PBRM1: variants seen among roughly 807,000 people sequenced by gnomAD.
PBRM1 encodes protein polybromo-1.
A neutral mutation model predicts 194.5 loss-of-function variants in PBRM1; 27 were observed. The ratio of observed to expected loss-of-function variants is 0.14; its 90% CI spans 0.10 to 0.19. The LOEUF is 0.19. Ranked by LOEUF, PBRM1 falls within the 10% of genes least tolerant of loss-of-function variation. PBRM1 has a pLI of 1.00. For missense variants in PBRM1, 1,466 were observed against 2,077.2 expected (o/e 0.71, Z 5.72); for synonymous variants, 655 against 693.2 (o/e 0.94, Z 0.87).
chr3:52,622,692 G>C (rs1356815493), intron 13 of PBRM1, among the ~76,000 whole-genome samples: 1 of 152,068 alleles, frequency 6.6e-6, no homozygotes, highest in African/African-American at 2.4e-5. Context: ...TCTCCCCCTG[G>C]CTGATCAGCA....
chr3:52,676,730 G>A (rs2097113366), intron 2 of PBRM1, among the ~76,000 whole-genome samples: 1 of 152,164 alleles, frequency 6.6e-6, no homozygotes, highest in Non-Finnish European at 1.5e-5. Context: ...GAAGAAGACA[G>A]GAAAATGTGG....
intron 24 of PBRM1, among the ~76,000 whole-genome samples, 162 bp from the exon 27 acceptor site, chr3:52,562,130 G>A (rs2083703356): frequency 6.6e-6 from 1 of 151,448 alleles, no homozygotes; most frequent in African/African-American, 2.4e-5. Flanking sequence ...GACCATCCTG[G>A]CTGACACAGT....
intron 15 of PBRM1, among the ~76,000 whole-genome samples, chr3:52,611,491 A>T (rs926203130): frequency 6.6e-6 from 1 of 152,134 alleles, no homozygotes; most frequent in Admixed American, 6.5e-5. Flanking sequence ...AATACAAAGG[A>T]CAGAGGAACA....
At chr3:52,560,510 C>T (rs2083265650) in intron 25 of PBRM1, 1 of 152,114 alleles carries the variant, frequency 6.6e-6, no homozygotes, top group Admixed American at 6.6e-5. Context: ...CAGAAAATGC[C>T]AGATAATATA....
chr3:52,633,701 C>T (rs144884939), intron 11 of PBRM1, among the ~76,000 whole-genome samples: 17 of 152,210 alleles, frequency 1.1e-4, no homozygotes, highest in African/African-American at 3.6e-4. Flanking sequence ...AGTAACCATC[C>T]TAATGAGTGC....
intron 19 of PBRM1, 27 bp downstream of exon 21, chr3:52,587,326 G>C: frequency 6.6e-7 from 1 of 1,523,986 alleles, no homozygotes; most frequent in Non-Finnish European, 9.0e-7. Context: ...GAATGAGTGA[G>C]ACTTTGGGAT....
chr3:52,582,411 C>T (rs375702728), intron 20 of PBRM1, among the ~76,000 whole-genome samples: 12 of 128,814 alleles, frequency 9.3e-5, no homozygotes, highest in South Asian at 2.5e-4. Context: ...ATTGATAATT[C>T]TTTTTTTTTT....
At chr3:52,637,773 CAAA>C (rs755241328) in intron 10 of PBRM1, among the ~76,000 whole-genome samples, 3,802 of 42,220 alleles carry the variant, frequency 0.09, 253 homozygotes, top group African/African-American at 0.23. Flanking sequence ...ACTAAAAATA[CAAA>C]AAAAAAAAAA....
Position 52,674,257 on chromosome 3 carries a change from G to C in PBRM1, c.236+4243C>G, listed in dbSNP as rs575442445. On this transcript the variant is annotated intron_variant, in intron 2 of 29. Transcript: ENST00000296302. Reference sequence around the variant, plus strand: ...AGCACTTTGGAAGGCCAAGGTAGGCGGATCACCTAAGGTCGGGAGTTTGAG... The same window carrying C: ...AGCACTTTGGAAGGCCAAGGTAGGCCGATCACCTAAGGTCGGGAGTTTGAG... 3.8e-3 allele frequency among the ~76,000 whole-genome samples: 581 copies of C among 151,714 alleles called. 1 individual carries two copies. The highest frequency in any genetic ancestry group is 6.8e-3 in the Middle Eastern group (2 of 294).
Position 52,654,469 on chromosome 3 carries a change from C to T in PBRM1, c.646-2659G>A, listed in dbSNP as rs1434289381. Among the ~76,000 whole-genome samples the T allele has an allele frequency of 3.9e-5, 6 of 152,140 alleles. No homozygotes were observed. The East Asian group carries it at 1.2e-3, about 29-fold the overall frequency. ...CCCACAAATTCCCAATCTATCTCTCCCATGCAGCCAGCTTGCTTGGGACGG... is the reference window on the plus strand; with the variant it reads ...CCCACAAATTCCCAATCTATCTCTCTCATGCAGCCAGCTTGCTTGGGACGG... On this transcript the variant is annotated intron_variant, in intron 5 of 29. Coordinates refer to ENST00000296302, the Ensembl canonical transcript of PBRM1.
intron 14 of PBRM1, 132 bp from the exon 17 acceptor site, chr3:52,615,588 C>T (rs1417241663): frequency 1.6e-6 from 1 of 607,322 alleles, no homozygotes; most frequent in Non-Finnish European, 2.9e-6. Context: ...ACCAGCCTCA[C>T]TACAGAGCAA....
chr3:52,569,187 C>T (rs537066385), intron 22 of PBRM1, among the ~76,000 whole-genome samples: 4 of 151,758 alleles, frequency 2.6e-5, no homozygotes, highest in Middle Eastern at 3.4e-3. Flanking sequence ...CCACTGCACC[C>T]GATTCTAAGT....
At chr3:52,600,468 A>T (rs1376851893) in intron 17 of PBRM1, among the ~76,000 whole-genome samples, 1 of 152,010 alleles carries the variant, frequency 6.6e-6, no homozygotes, top group African/African-American at 2.4e-5. Flanking sequence ...AAGTTTTCAA[A>T]TATCTTTTGT....
At chr3:52,661,995 T>C (rs573289301) in intron 4 of PBRM1, 138 bp downstream of exon 5, 258 of 806,772 alleles carry the variant, frequency 3.2e-4, no homozygotes, top group Non-Finnish European at 4.3e-4. Flanking sequence ...TCTGGCTGAA[T>C]GTCCTTTTAT....
chr3:52,668,614 G>C, exon 3 of PBRM1: 1 of 1,599,466 alleles, frequency 6.3e-7, no homozygotes, highest in Non-Finnish European at 8.5e-7. Context: ...TCAATGGGCT[G>C]AGAAACCACT....
At chr3:52,664,032 C>T (rs1044483993) in intron 3 of PBRM1, among the ~76,000 whole-genome samples, 2 of 149,244 alleles carry the variant, frequency 1.3e-5, no homozygotes, top group East Asian at 4.0e-4. Context: ...TGAACTCCAG[C>T]CTGGGTGACA....
chr3:52,569,963 GTTTCT>G lies in PBRM1; in HGVS notation c.3692-5735_3692-5731del, dbSNP rs1383542466. Among the ~76,000 whole-genome samples, 4 of 152,076 alleles carry G rather than the reference GTTTCT, an allele frequency of 2.6e-5. No individual in the cohort carries two copies. The East Asian group carries it at 7.7e-4, about 29-fold the overall frequency. On this transcript the variant is annotated intron_variant, in intron 22 of 29. Transcript: ENST00000296302. ...AGTGTGATAAGGACATCCCTATTTT[GTTTCT>G]TTTCTTTTTTTGTTTTTTGTTTGAG...
chr3:52,680,505 T>C (rs1410023971), upstream of PBRM1, among the ~76,000 whole-genome samples: 1 of 152,230 alleles, frequency 6.6e-6, no homozygotes, highest in African/African-American at 2.4e-5. Context: ...ATAACAATTT[T>C]AACTATAACT....
At chr3:52,603,767 A>C (rs2094157219) in intron 16 of PBRM1, 35 bp from the exon 19 acceptor site, 2 of 1,568,124 alleles carry the variant, frequency 1.3e-6, no homozygotes, top group African/African-American at 1.4e-5. Context: ...TTGACATACA[A>C]GCTGTTTCTT....
Sources: allele counts gnomAD v4.1 joint callset (sites outside exome capture counted in the v4.1 genomes callset), GRCh38; gene constraint gnomAD v4.1.1; transcripts MANE v1.5; gene names NCBI Gene and HGNC (gene_info 2026-07-23, HGNC 2026-07-21).